Variants in MYH11 observed in about 807,000 individuals in gnomAD.
The protein encoded by MYH11 is myosin-11.
In MYH11, 80 loss-of-function variants were observed where a neutral mutation model predicts 246.6. The ratio of observed to expected loss-of-function variants is 0.32; its 90% CI spans 0.27 to 0.39. The LOEUF is 0.39. Ranked by LOEUF, MYH11 falls within the 10% of genes least tolerant of loss-of-function variation. MYH11 has a pLI of 1.00. For missense variants in MYH11, 2,158 were observed against 2,546.8 expected, an observed-to-expected ratio of 0.85 and a Z score of 3.29; for synonymous variants, 1,071 against 1,015.5, an observed-to-expected ratio of 1.05 and a Z score of -1.04.
At chr16:15,763,742 C>CCT in intron 10 of MYH11, 54 bp downstream of exon 10, 4 of 627,778 alleles carry the variant, frequency 6.4e-6, no homozygotes, top group South Asian at 2.9e-5. Flanking sequence ...AATGTCACCT[C>CCT]CCCCACCCCC....
At chr16:15,764,522 G>A (rs1303304117) in intron 9 of MYH11, among the ~76,000 whole-genome samples, 8 of 151,780 alleles carry the variant, frequency 5.3e-5, no homozygotes, top group Non-Finnish European at 8.8e-5. Flanking sequence ...CACAAATACC[G>A]AACAAAAGAG....
rs374559754 is a variant in MYH11, at chr16:15,798,608, T to TAAAAAAAAAAAA, written c.530+40_530+51dup. The stretch of plus-strand genomic sequence containing the variant: ...CATAGGTTGGATCTCGACTACAGAT[T>TAAAAAAAAAAAA]AAAAAAAAAAAAAAACAAAAAAAAA... On this transcript the variant is annotated intron_variant, in intron 4 of 40. Transcript: ENST00000300036. 5.2e-4 allele frequency: 535 copies of TAAAAAAAAAAAA among 1,036,356 alleles called. 4 individuals are homozygous for TAAAAAAAAAAAA. The highest frequency in any genetic ancestry group is 1.6e-3 in the South Asian group (90 of 57,880). 64.2% of individuals were successfully genotyped at this position (1,036,356 alleles called of 1,614,324 possible). A position where few individuals can be genotyped will look rare whatever the true frequency, so the allele number is the denominator to read the frequency against.
At chr16:15,726,186 C>G (rs1209182944) in intron 28 of MYH11, 2 of 155,222 alleles carry the variant, frequency 1.3e-5, no homozygotes, top group Non-Finnish European at 2.8e-5. Context: ...ATTTGACATT[C>G]ATTTGTGTGA....
At chr16:15,744,642 A>C (rs1295603684) in intron 20 of MYH11, among the ~76,000 whole-genome samples, 3 of 152,180 alleles carry the variant, frequency 2.0e-5, no homozygotes, top group African/African-American at 7.2e-5. Context: ...ATCTGGGATT[A>C]CAGGTGCCTG....
At chr16:15,807,635 G>C (rs1178326925) in intron 3 of MYH11, among the ~76,000 whole-genome samples, 1 of 152,120 alleles carries the variant, frequency 6.6e-6, no homozygotes, top group Non-Finnish European at 1.5e-5. Flanking sequence ...CTGGAGCTGG[G>C]GGCGGCCGGC....
intron 40 of MYH11, chr16:15,714,651 A>C (rs1203267149): frequency 5.2e-6 from 3 of 582,142 alleles, no homozygotes; most frequent in Non-Finnish European, 9.2e-6. Flanking sequence ...CCTCCTCCTC[A>C]GCCGGAGGAC....
intron 4 of MYH11, among the ~76,000 whole-genome samples, chr16:15,787,543 C>A (rs1484885880): frequency 7.3e-6 from 1 of 136,736 alleles, no homozygotes; most frequent in Admixed American, 8.1e-5. Flanking sequence ...AGTACAGTGG[C>A]ACAATTTCAG....
At chr16:15,708,796 A>G (rs372646869) in intron 40 of MYH11, 1 of 1,606,862 alleles carries the variant, frequency 6.2e-7, no homozygotes, top group Non-Finnish European at 8.5e-7. Flanking sequence ...AGCTGAAGGC[A>G]TGATACCTGG....
chr16:15,707,571 G>T (rs952082971), intron 40 of MYH11, among the ~76,000 whole-genome samples: 1 of 152,112 alleles, frequency 6.6e-6, no homozygotes, highest in South Asian at 2.1e-4. Context: ...CTCACCCTGC[G>T]CTTTAAGTAT....
chr16:15,759,786 G>C, intron 11 of MYH11, 58 bp from the exon 12 acceptor site: 1 of 1,603,528 alleles, frequency 6.2e-7, no homozygotes, highest in Admixed American at 1.7e-5. Flanking sequence ...TTTCACATAA[G>C]CCAGGCTGGT....
intron 37 of MYH11, chr16:15,718,071 C>T (rs929775476): frequency 4.6e-5 from 28 of 605,314 alleles, no homozygotes; most frequent in Non-Finnish European, 6.3e-5. Flanking sequence ...CCGTGAGGTA[C>T]GGGGAGCCAG....
At chr16:15,727,872 C>T (rs1033829129) in intron 27 of MYH11, among the ~76,000 whole-genome samples, 8 of 152,026 alleles carry the variant, frequency 5.3e-5, no homozygotes, top group Non-Finnish European at 8.8e-5. Context: ...ACTCAGGAGG[C>T]GGATGGCAGG....
intron 19 of MYH11, among the ~76,000 whole-genome samples, chr16:15,746,333 C>T (rs1412439055): frequency 1.3e-5 from 2 of 152,146 alleles, no homozygotes; most frequent in East Asian, 1.9e-4. Flanking sequence ...AACGATAGAA[C>T]AGTGAACGTA....
chr16:15,805,170 A>G (rs756806679), intron 3 of MYH11, among the ~76,000 whole-genome samples: 1 of 152,234 alleles, frequency 6.6e-6, no homozygotes, highest in Non-Finnish European at 1.5e-5. Flanking sequence ...TGTACACTGC[A>G]TAACTCTATG....
intron 36 of MYH11, 148 bp downstream of exon 36, chr16:15,719,072 G>C: frequency 1.3e-6 from 1 of 765,276 alleles, no homozygotes; most frequent in Non-Finnish European, 2.2e-6. Context: ...AGGTTGCAGT[G>C]AGCCAAGATT....
chr16:15,760,679 T>C (rs770745810), intron 10 of MYH11, 21 bp from the exon 11 acceptor site: 3 of 1,463,978 alleles, frequency 2.0e-6, no homozygotes, highest in Admixed American at 3.3e-5. Context: ...AAAAGAAACA[T>C]CGTGAGTGCA....
intron 34 of MYH11, among the ~76,000 whole-genome samples, 197 bp downstream of exon 34, chr16:15,719,954 C>T (rs1178807497): frequency 6.6e-6 from 1 of 152,118 alleles, no homozygotes; most frequent in Non-Finnish European, 1.5e-5. Context: ...GGGCAGTGGC[C>T]AAATACCTAA....
intron 14 of MYH11, among the ~76,000 whole-genome samples, 161 bp downstream of exon 14, chr16:15,756,180 G>A (rs1428823035): frequency 2.6e-5 from 4 of 152,232 alleles, no homozygotes; most frequent in Admixed American, 1.3e-4. Flanking sequence ...TTACAGATGC[G>A]TAGACAAATT....
At position 15,737,539 on chromosome 16, in the gene MYH11, T is replaced by C; in HGVS notation, c.3203A>G (p.His1068Arg). 1 of 1,614,036 alleles carries C rather than the reference T, an allele frequency of 6.2e-7. No homozygotes were observed. Among genetic ancestry groups the C allele is most frequent in the South Asian group, 1.1e-5 (1 of 91,086 alleles). The change falls in exon 25 of 41, where the codon CAC becomes CGC. Residue 1068 changes from histidine (H) to arginine (R), a missense_variant. His to Arg is a conservative substitution (Grantham distance 29, BLOSUM62 0). Coordinates refer to ENST00000300036, the MANE Select transcript of MYH11 (RefSeq NM_002474.3). ...RKLEGDASDF[H>R]EQIADLQAQI... ...CGCCTGGAGGTCAGCGATCTGCTCG[T>C]GGAAGTCGCTGGCATCACCCTCCAG...
Sources: allele counts gnomAD v4.1 joint callset (sites outside exome capture counted in the v4.1 genomes callset), GRCh38; gene constraint gnomAD v4.1.1; transcripts MANE v1.5; gene names NCBI Gene and HGNC (gene_info 2026-07-23, HGNC 2026-07-21).